Variants in FHIP1B observed in about 807,000 individuals in gnomAD.
The protein encoded by FHIP1B is FHF complex subunit HOOK-interacting protein 1B.
FHIP1B carries 28 observed loss-of-function variants against 82.2 expected under a neutral mutation model. The observed-to-expected ratio is 0.34, with a 90% CI of 0.25 to 0.47. The LOEUF (loss-of-function observed/expected upper bound fraction) is 0.47. FHIP1B is among the 20% of genes least tolerant of loss of function. The pLI, the probability that FHIP1B is intolerant of heterozygous loss-of-function variation, is 1.00. For synonymous variants in FHIP1B, 585 were observed against 516.1 expected (o/e 1.13, Z -1.81); for missense variants, 1,110 against 1,262.6 (o/e 0.88, Z 1.83).
chr11:6,214,681 G>A, intron 10 of FHIP1B, 52 bp downstream of exon 10: 2 of 1,544,650 alleles, frequency 1.3e-6, no homozygotes, highest in South Asian at 1.2e-5. Flanking sequence ...CCAGCTGCGG[G>A]CCTGGCCCAC....
At chr11:6,224,324 G>T (rs1847503905) in intron 2 of FHIP1B, 55 bp downstream of exon 2, 1 of 1,613,914 alleles carries the variant, frequency 6.2e-7, no homozygotes, top group Non-Finnish European at 8.5e-7. Context: ...AATATAGAAG[G>T]CTGGGAGAAC....
At chr11:6,219,123 A>AC in intron 6 of FHIP1B, 73 bp from the exon 7 acceptor site, 2 of 1,274,508 alleles carry the variant, frequency 1.6e-6, no homozygotes, top group East Asian at 2.5e-5. Flanking sequence ...CCAAACGGGA[A>AC]CCCCACCAGC....
At chr11:6,222,262 T>A (rs78309804) in intron 6 of FHIP1B, among the ~76,000 whole-genome samples, 180 bp downstream of exon 6, 1 of 152,002 alleles carries the variant, frequency 6.6e-6, no homozygotes, top group Non-Finnish European at 1.5e-5. Flanking sequence ...AGCAGGGGAG[T>A]AGATTAAAAT....
At position 6,214,484 on chromosome 11, in the gene FHIP1B, G is replaced by A. The variant is rs1229634018; in HGVS notation, c.2484C>T (p.Leu828=). ...PALLSKAKKY[L]IARGKLDWAE... is the part of the protein sequence containing the mutation. The stretch of plus-strand genomic sequence containing the variant: ...CCCAGTCCAACTTGCCACGGGCAAT[G>A]AGGTACTTCTTGGCTTTGGACAGCA... Residue 828 remains leucine, a synonymous_variant, in exon 11 of 12, where the codon CTC becomes CTT. Coordinates refer to ENST00000449352, the MANE Select transcript of FHIP1B (RefSeq NM_001098794.2). 3 of 1,614,064 alleles carry A rather than the reference G, an allele frequency of 1.9e-6. No individual in the cohort carries two copies. The highest frequency in any genetic ancestry group is 1.7e-6 in the Non-Finnish European group (2 of 1,180,040).
chr11:6,222,801 T>A lies in FHIP1B; in HGVS notation c.1023+10A>T, dbSNP rs1367393824. The A allele has an allele frequency of 7.4e-6, 12 of 1,613,726 alleles. 1 individual carries two copies. In the South Asian group the frequency reaches 9.9e-5, roughly 13 times the overall value. ...AGCCCCTTATATGCCTTGCCACCCA[T>A]GACTCTCACCTTGTGCAAGGCAGGA... On this transcript the variant is annotated intron_variant, in intron 5 of 11. Coordinates refer to ENST00000449352, the MANE Select transcript of FHIP1B (RefSeq NM_001098794.2).
At chr11:6,219,092 C>A in intron 6 of FHIP1B, 42 bp from the exon 7 acceptor site, 1 of 1,504,324 alleles carries the variant, frequency 6.6e-7, no homozygotes, top group East Asian at 2.4e-5. Context: ...CATAAGAGCT[C>A]TCTGCCCTCC....
At chr11:6,216,697 G>A (rs1161970805) in intron 9 of FHIP1B, 1 of 223,602 alleles carries the variant, frequency 4.5e-6, no homozygotes, top group Admixed American at 5.2e-5. Context: ...AATGAACTCA[G>A]TCAGGGAGCT....
At chr11:6,212,140 C>G (rs1011209668) in intron 11 of FHIP1B, among the ~76,000 whole-genome samples, 25 of 152,288 alleles carry the variant, frequency 1.6e-4, no homozygotes, top group African/African-American at 3.4e-4. Flanking sequence ...TCCAGCCTCC[C>G]CACCCAGCCA....
chr11:6,224,802 A>G (rs74466388), intron 1 of FHIP1B, 95 bp from the exon 2 acceptor site: 16,688 of 388,750 alleles, frequency 0.043, 400 homozygotes, highest in Non-Finnish European at 0.048. Flanking sequence ...ACACCTATAT[A>G]TACATACACA....
chr11:6,218,222 G>T, intron 8 of FHIP1B, 72 bp from the exon 9 acceptor site: 1 of 1,496,876 alleles, frequency 6.7e-7, no homozygotes. Flanking sequence ...CACCTCGGGA[G>T]ACTAAGAAAG....
Position 6,224,565 on chromosome 11 carries a change from T to C in FHIP1B, c.-49A>G, listed in dbSNP as rs924748166. 2.6e-6 allele frequency: 4 copies of C among 1,543,846 alleles called. No homozygotes were observed. Among genetic ancestry groups the C allele is most frequent in the African/African-American group, 2.8e-5 (2 of 72,288 alleles). ...AGCCAGAGGCCTACACTCTGAGGAT[T>C]TGCCAGCTGGAGGTTTTCTCCACTT... On this transcript the variant is annotated 5_prime_UTR_variant, in exon 2 of 12. Coordinates refer to ENST00000449352, the MANE Select transcript of FHIP1B (RefSeq NM_001098794.2).
At chr11:6,228,428 G>A (rs1250769478) in intron 1 of FHIP1B, among the ~76,000 whole-genome samples, 3 of 152,192 alleles carry the variant, frequency 2.0e-5, no homozygotes, top group Non-Finnish European at 4.4e-5. Flanking sequence ...TTTGCTGTAG[G>A]ATGGGGAGGC....
intron 1 of FHIP1B, among the ~76,000 whole-genome samples, chr11:6,225,283 C>A (rs980723557): frequency 6.6e-6 from 1 of 152,214 alleles, no homozygotes; most frequent in Non-Finnish European, 1.5e-5. Flanking sequence ...GTGACACAGG[C>A]CTTCTTGAAT....
chr11:6,217,087 A>G, intron 9 of FHIP1B: 1 of 702,990 alleles, frequency 1.4e-6, no homozygotes. Context: ...AAATCGCAGG[A>G]AATGGCCAGA....
rs2133824110 is a variant in FHIP1B, at chr11:6,223,681, G to A, written c.706C>T (p.Leu236Phe). 2 of 1,613,822 alleles carry A rather than the reference G, an allele frequency of 1.2e-6. No individual in the cohort carries two copies. The highest frequency in any genetic ancestry group is 2.2e-5 in the East Asian group (1 of 44,864). ...LGQQARDALL[L>F]LMALSAGSPT... ...CTCCCAGCTGACAAAGCCATGAGAA[G>A]AAGTAGGGCATCACGGGCCTGCTGG... is the stretch of plus-strand genomic sequence containing the variant. Residue 236 changes from leucine to phenylalanine, a missense_variant, in exon 3 of 12, where the codon CTT becomes TTT. Around this residue, in one of 6 missense-constraint regions of FHIP1B, gnomAD observed 467 missense variants for 602.9 expected, o/e 0.77. Coordinates refer to ENST00000449352, the MANE Select transcript of FHIP1B (RefSeq NM_001098794.2). The surrounding 1 kb of genome is among the most constrained non-coding windows in gnomAD (Gnocchi z 4.8).
At position 6,219,054 on chromosome 11, in the gene FHIP1B, G is replaced by A. The variant is rs376693585; in HGVS notation, c.1192-4C>T. On this transcript the variant is annotated splice_region_variant and splice_polypyrimidine_tract_variant and intron_variant, in intron 6 of 11. Coordinates refer to ENST00000449352, the MANE Select transcript of FHIP1B (RefSeq NM_001098794.2). The stretch of plus-strand genomic sequence containing the variant: ...GACTCAGAGAGACCATGCAGAGCTG[G>A]GGGGGTGGAGGGGAGGGAGGGAGTC... 1.2e-5 allele frequency: 20 copies of A among 1,608,478 alleles called. No individual in the cohort carries two copies. Among genetic ancestry groups the A allele is most frequent in the Admixed American group, 1.7e-5 (1 of 59,696 alleles).
intron 6 of FHIP1B, among the ~76,000 whole-genome samples, chr11:6,220,093 G>A (rs538270493): frequency 6.6e-5 from 10 of 152,112 alleles, no homozygotes; most frequent in African/African-American, 1.7e-4. Context: ...TTCACCTCAC[G>A]TGGCAGAGAC....
In FHIP1B at chr11:6,217,920, G is replaced by T; in HGVS notation, c.1666C>A (p.Arg556Ser). ...CGGTCCACACCACGACGTGCCTCAC[G>T]CAGATACTCCAGGTAATTGTCTTCC... ...ELEDNYLEYL[R>S]EARRGVDRCV... Residue 556 changes from arginine to serine, a missense_variant, in exon 9 of 12, where the codon CGT becomes AGT. Arg to Ser is a moderately radical substitution (Grantham distance 110). This residue lies in a region of FHIP1B where 418 missense variants were observed against 371.4 expected (regional missense o/e 1.13). Transcript: ENST00000449352. 2 of 1,612,726 alleles carry T rather than the reference G, an allele frequency of 1.2e-6. No individual in the cohort carries two copies. Among genetic ancestry groups the T allele is most frequent in the Non-Finnish European group, 8.5e-7 (1 of 1,180,030 alleles).
intron 9 of FHIP1B, chr11:6,216,972 T>C (rs1463313059): frequency 6.2e-6 from 4 of 643,556 alleles, no homozygotes; most frequent in African/African-American, 3.6e-5. Flanking sequence ...GCATAGAGAG[T>C]GTTTAGGTGC....
Sources: allele counts gnomAD v4.1 joint callset (sites outside exome capture counted in the v4.1 genomes callset), GRCh38; gene constraint gnomAD v4.1.1; regional missense constraint gnomAD v4.1.1; non-coding constraint Gnocchi (gnomAD v3.1); transcripts MANE v1.5; gene names NCBI Gene and HGNC (gene_info 2026-07-23, HGNC 2026-07-21).